Variants in GPR158 observed in about 807,000 individuals in gnomAD.
GPR158 encodes the protein metabotropic glycine receptor.
GPR158 carries 30 observed loss-of-function variants against 78.2 expected under a neutral mutation model. That is an observed-to-expected ratio of 0.38 (90% CI 0.29 to 0.52). The LOEUF (loss-of-function observed/expected upper bound fraction) is 0.52. Among genes scored for constraint, GPR158 ranks in the 20% least tolerant of loss-of-function variants. The probability of loss-of-function intolerance (pLI) is 0.83; values close to 1 mark genes in which losing one functional copy is unlikely to be tolerated. For missense variants in GPR158, 1,463 were observed against 1,523.5 expected (o/e 0.96, Z 0.66); for synonymous variants, 581 against 591.1 (o/e 0.98, Z 0.25).
rs200576220 is a variant in GPR158, at chr10:25,184,938, AC to A, written c.902+8618del. Among the ~76,000 whole-genome samples, 87 of 152,290 alleles carry A rather than the reference AC, an allele frequency of 5.7e-4. No individual in the cohort carries two copies. In the East Asian group the frequency reaches 0.016, roughly 28 times the overall value. On this transcript the variant is annotated intron_variant, in intron 1 of 10. Transcript: ENST00000376351. ...CCGCTATGCTGAACAAGGTTTCTCA[AC>A]CTTGGAACTACAGACATTTGGGACC...
At chr10:25,381,518 A>T (rs1834155652) in intron 2 of GPR158, among the ~76,000 whole-genome samples, 1 of 152,192 alleles carries the variant, frequency 6.6e-6, no homozygotes, top group Non-Finnish European at 1.5e-5. Context: ...TTGAACAAGA[A>T]AGGGAACATT....
chr10:25,452,985 CT>C (rs1835241589), intron 4 of GPR158, among the ~76,000 whole-genome samples: 1 of 152,136 alleles, frequency 6.6e-6, no homozygotes, highest in Non-Finnish European at 1.5e-5. Flanking sequence ...CAGTATTTGT[CT>C]TTCTCTGTCT....
intron 2 of GPR158, among the ~76,000 whole-genome samples, chr10:25,324,831 C>CTT (rs34746907): frequency 0.06 from 7,524 of 125,326 alleles, 375 homozygotes; most frequent in African/African-American, 0.11. Flanking sequence ...TTTTTTCTTT[C>CTT]TTTTTTTTTT....
chr10:25,457,885 A>G (rs1835311351), intron 4 of GPR158, among the ~76,000 whole-genome samples: 1 of 152,246 alleles, frequency 6.6e-6, no homozygotes, highest in Non-Finnish European at 1.5e-5. Flanking sequence ...TATTTGAAAC[A>G]AAGCAAAATG....
chr10:25,357,060 C>G (rs147213181), intron 2 of GPR158, among the ~76,000 whole-genome samples: 1 of 151,978 alleles, frequency 6.6e-6, no homozygotes, highest in African/African-American at 2.4e-5. Flanking sequence ...AAAGGTGATG[C>G]TTGTTATGTT....
chr10:25,370,946 CT>C, intron 2 of GPR158, among the ~76,000 whole-genome samples: 1 of 150,080 alleles, frequency 6.7e-6, no homozygotes, highest in Non-Finnish European at 1.5e-5. Flanking sequence ...CTCTTTTGAT[CT>C]TTGCTGGTTT....
intron 2 of GPR158, among the ~76,000 whole-genome samples, chr10:25,247,165 T>A (rs1431013884): frequency 6.6e-6 from 1 of 152,190 alleles, no homozygotes; most frequent in Non-Finnish European, 1.5e-5. Context: ...TGACATCCCA[T>A]TGAGATGACA....
intron 2 of GPR158, among the ~76,000 whole-genome samples, chr10:25,231,753 T>C (rs1345293086): frequency 3.3e-5 from 5 of 152,176 alleles, no homozygotes; most frequent in Non-Finnish European, 1.5e-5. Context: ...GGATGGCAGC[T>C]TACCATGCAC....
intron 3 of GPR158, among the ~76,000 whole-genome samples, chr10:25,407,667 G>C (rs1834532467): frequency 6.6e-6 from 1 of 151,998 alleles, no homozygotes; most frequent in Non-Finnish European, 1.5e-5. Context: ...AGACAGTCTT[G>C]ATGCTTTTCT....
At chr10:25,388,655 G>A (rs1834253157) in intron 2 of GPR158, among the ~76,000 whole-genome samples, 1 of 152,262 alleles carries the variant, frequency 6.6e-6, no homozygotes, top group Admixed American at 6.5e-5. Flanking sequence ...GGGCAGAAGT[G>A]GAGCTGGGTC....
At chr10:25,344,212 G>A (rs1436089447) in intron 2 of GPR158, among the ~76,000 whole-genome samples, 1 of 151,786 alleles carries the variant, frequency 6.6e-6, no homozygotes, top group Non-Finnish European at 1.5e-5. Flanking sequence ...TTTTGATGGT[G>A]TTTTATTTCG....
chr10:25,375,915 A>G (rs1834072323), intron 2 of GPR158, among the ~76,000 whole-genome samples: 1 of 151,644 alleles, frequency 6.6e-6, no homozygotes. Flanking sequence ...CCTTATGTAT[A>G]CAAAATATAT....
intron 2 of GPR158, among the ~76,000 whole-genome samples, chr10:25,297,641 A>C (rs1854535282): frequency 6.6e-6 from 1 of 152,148 alleles, no homozygotes; most frequent in Admixed American, 6.6e-5. Context: ...AATTTATCAA[A>C]GTTCAGATGG....
intron 3 of GPR158, among the ~76,000 whole-genome samples, chr10:25,398,914 C>G (rs1834403935): frequency 6.6e-6 from 1 of 152,212 alleles, no homozygotes; most frequent in South Asian, 2.1e-4. Flanking sequence ...AACCCTCGAG[C>G]TGCAGACTGG....
intron 3 of GPR158, among the ~76,000 whole-genome samples, chr10:25,406,057 C>G (rs1418402509): frequency 6.6e-6 from 1 of 152,152 alleles, no homozygotes; most frequent in Non-Finnish European, 1.5e-5. Context: ...GCATCACATA[C>G]TGTTGACTCA....
At chr10:25,238,137 C>A (rs1243231598) in intron 2 of GPR158, among the ~76,000 whole-genome samples, 1 of 152,160 alleles carries the variant, frequency 6.6e-6, no homozygotes. Flanking sequence ...TAGATGCTCT[C>A]ATTTCCAAAA....
At chr10:25,414,321 C>T (rs1032750366) in intron 4 of GPR158, among the ~76,000 whole-genome samples, 1 of 152,100 alleles carries the variant, frequency 6.6e-6, no homozygotes, top group Non-Finnish European at 1.5e-5. Flanking sequence ...TGACCAGAAT[C>T]CTACTGTACA....
At chr10:25,495,294 G>GTTTTT (rs1835865209) in intron 5 of GPR158, among the ~76,000 whole-genome samples, 1 of 77,926 alleles carries the variant, frequency 1.3e-5, no homozygotes. Flanking sequence ...ATTCTTTTCT[G>GTTTTT]CTTTTTTTTT....
At chr10:25,562,024 AT>A (rs34320289) in intron 6 of GPR158, among the ~76,000 whole-genome samples, 10,811 of 140,696 alleles carry the variant, frequency 0.077, 368 homozygotes, top group Admixed American at 0.1. Flanking sequence ...ATGCAGAAGA[AT>A]TTTTTTTTTT....
Sources: allele counts gnomAD v4.1 joint callset (sites outside exome capture counted in the v4.1 genomes callset), GRCh38; gene constraint gnomAD v4.1.1; transcripts MANE v1.5; gene names NCBI Gene and HGNC (gene_info 2026-07-23, HGNC 2026-07-21).